Variants in TMEM114 observed in about 807,000 individuals in gnomAD.
TMEM114 encodes transmembrane protein 114.
A neutral mutation model predicts 6.2 loss-of-function variants in TMEM114; 6 were observed. The observed-to-expected ratio is 0.97, with a 90% confidence interval of 0.53 to 1.91. TMEM114 has a LOEUF of 1.91. Among genes scored for constraint, TMEM114 ranks in the 40% most tolerant of loss-of-function variants. The pLI is 0.01. For missense variants in TMEM114, 218 were observed against 158.3 expected (o/e 1.38, Z -2.02); for synonymous variants, 104 against 73.0 (o/e 1.42, Z -2.16).
Position 8,558,222 on chromosome 16 carries a change from T to C in TMEM114, n.213-20396A>G, listed in dbSNP as rs1901077894. 2.0e-5 allele frequency among the ~76,000 whole-genome samples: 3 copies of C among 152,084 alleles called. No homozygotes were observed. The South Asian group carries it at 6.2e-4, about 32-fold the overall frequency. ...GAGCACACGCCACTTCACTCCAGCC[T>C]AGGCAACAGAATGAGAGTCTGTCTC... On this transcript the variant is annotated intron_variant and non_coding_transcript_variant, in intron 2 of 2. Coordinates refer to the TMEM114 transcript ENST00000623677.
chr16:8,540,484 A>G (rs950923905), intron 2 of TMEM114, among the ~76,000 whole-genome samples: 1 of 152,268 alleles, frequency 6.6e-6, no homozygotes, highest in Admixed American at 6.5e-5. Flanking sequence ...GCTGGTATAT[A>G]GCAAGCACTC....
intron 2 of TMEM114, among the ~76,000 whole-genome samples, chr16:8,558,745 CT>C (rs5815478): frequency 0.42 from 61,440 of 145,008 alleles, 13,009 homozygotes; most frequent in Middle Eastern, 0.5. Flanking sequence ...GCACCCAGTT[CT>C]TTTTTTTTTT....
In TMEM114 at chr16:8,589,775, G is replaced by A. The variant is rs901399335; in HGVS notation, c.64C>T (p.Leu22Phe). Reference protein sequence around the residue: ...AALTGALSFVLLAAAIGTDFW... With the variant: ...AALTGALSFVFLAAAIGTDFW... ...TCCGTGCCGATGGCGGCCGCCAGGA[G>A]CACAAAGCTGAGCGCCCCGGTCAGC... is the stretch of plus-strand genomic sequence containing the variant. The change falls in exon 1 of 4, where the codon CTC becomes TTC. Residue 22 changes from leucine to phenylalanine, a missense_variant. Physicochemically the swap from Leu to Phe is conservative, Grantham distance 22. Coordinates refer to ENST00000620492, the MANE Select transcript of TMEM114 (RefSeq NM_001146336.2). The A allele has an allele frequency of 7.5e-6, 3 of 398,472 alleles. No homozygotes were observed. The highest frequency in any genetic ancestry group is 2.1e-5 in the African/African-American group (1 of 48,588). The allele number at this position is 398,472 out of a possible 1,614,324, so 24.7% of individuals were successfully genotyped here. A position where few individuals can be genotyped will look rare whatever the true frequency, so the allele number is the denominator to read the frequency against.
At chr16:8,557,726 T>C (rs1047911703) in intron 2 of TMEM114, among the ~76,000 whole-genome samples, 12 of 152,148 alleles carry the variant, frequency 7.9e-5, no homozygotes, top group African/African-American at 2.9e-4. Context: ...AATTTCCTCA[T>C]TTTGGGAAAG....
At chr16:8,572,016 G>C (rs72780541) in intron 3 of TMEM114, 71 bp downstream of exon 3, 9 of 1,440,516 alleles carry the variant, frequency 6.2e-6, no homozygotes, top group Non-Finnish European at 8.2e-6. Context: ...GTTTGCTGAG[G>C]GTTCATACAC....
chr16:8,560,478 C>A (rs865894194), intron 2 of TMEM114, among the ~76,000 whole-genome samples: 20 of 152,152 alleles, frequency 1.3e-4, no homozygotes, highest in African/African-American at 3.9e-4. Flanking sequence ...GCCAGGGTGG[C>A]CCATCCTCAG....
intron 2 of TMEM114, among the ~76,000 whole-genome samples, chr16:8,586,922 C>G (rs932959643): frequency 0.012 from 1,811 of 152,326 alleles, 15 homozygotes; most frequent in Non-Finnish European, 0.02. Flanking sequence ...AACTCCCACA[C>G]ATTCCAGGTG....
chr16:8,556,144 C>T (rs932439691), intron 2 of TMEM114, among the ~76,000 whole-genome samples: 1 of 152,240 alleles, frequency 6.6e-6, no homozygotes, highest in African/African-American at 2.4e-5. Flanking sequence ...TCCATCAATT[C>T]TACCTCGTAA....
downstream of TMEM114, among the ~76,000 whole-genome samples, chr16:8,565,025 G>T (rs1292564146): frequency 6.6e-6 from 1 of 151,740 alleles, no homozygotes; most frequent in Admixed American, 6.6e-5. Context: ...GAATACATGA[G>T]TGAGTGAATG....
At chr16:8,534,208 G>C (rs1206443081), downstream of TMEM114, among the ~76,000 whole-genome samples, 3 of 152,188 alleles carry the variant, frequency 2.0e-5, no homozygotes, top group Non-Finnish European at 4.4e-5. Context: ...GTGATGACTG[G>C]GGTAAGGATG....
the TMEM114 span, among the ~76,000 whole-genome samples, chr16:8,527,362 A>C: frequency 6.6e-6 from 1 of 152,210 alleles, no homozygotes; most frequent in Non-Finnish European, 1.5e-5. Flanking sequence ...AGGGACACCC[A>C]AATTCAAATC....
chr16:8,562,627 A>T (rs1300728841), intron 2 of TMEM114, among the ~76,000 whole-genome samples: 1 of 151,894 alleles, frequency 6.6e-6, no homozygotes, highest in Non-Finnish European at 1.5e-5. Flanking sequence ...TGAGTGAGTG[A>T]ATGAATCAGT....
chr16:8,563,661 G>C (rs1202797712), intron 2 of TMEM114, among the ~76,000 whole-genome samples: 1 of 150,994 alleles, frequency 6.6e-6, no homozygotes. Context: ...GAATGAGTGA[G>C]CGAATAAGTA....
chr16:8,549,693 C>T (rs989976740), intron 2 of TMEM114, among the ~76,000 whole-genome samples: 11 of 151,850 alleles, frequency 7.2e-5, no homozygotes, highest in Admixed American at 1.3e-4. Flanking sequence ...TTTTTGTATG[C>T]GGGGTTCTGT....
chr16:8,559,330 G>A (rs953796505), intron 2 of TMEM114, among the ~76,000 whole-genome samples: 1 of 152,132 alleles, frequency 6.6e-6, no homozygotes, highest in Non-Finnish European at 1.5e-5. Context: ...GGCGTGAGCC[G>A]CCGGACCCTG....
chr16:8,566,248 G>A (rs1290543683), downstream of TMEM114, among the ~76,000 whole-genome samples: 1 of 152,040 alleles, frequency 6.6e-6, no homozygotes, highest in Non-Finnish European at 1.5e-5. Flanking sequence ...ATGGTGGTGC[G>A]TGCCTGTAGT....
At chr16:8,561,761 ATGAG>A (rs776035160) in intron 2 of TMEM114, among the ~76,000 whole-genome samples, 7 of 152,022 alleles carry the variant, frequency 4.6e-5, no homozygotes, top group South Asian at 2.1e-4. Flanking sequence ...GAATGAATGA[ATGAG>A]TGAGTGAGGT....
At chr16:8,581,924 A>G (rs1358763445) in intron 2 of TMEM114, among the ~76,000 whole-genome samples, 1 of 152,152 alleles carries the variant, frequency 6.6e-6, no homozygotes, top group South Asian at 2.1e-4. Context: ...CTATGCATAA[A>G]TCACACTGAG....
At chr16:8,544,513 G>T (rs962047456) in intron 2 of TMEM114, among the ~76,000 whole-genome samples, 19 of 152,234 alleles carry the variant, frequency 1.2e-4, no homozygotes, top group African/African-American at 4.6e-4. Context: ...CAAGTGACTT[G>T]ATATTGCTAC....
Sources: allele counts gnomAD v4.1 joint callset (sites outside exome capture counted in the v4.1 genomes callset), GRCh38; gene constraint gnomAD v4.1.1; transcripts MANE v1.5; gene names NCBI Gene and HGNC (gene_info 2026-07-23, HGNC 2026-07-21).